CMTM7: variants seen among roughly 807,000 people sequenced by gnomAD.
The protein encoded by CMTM7 is CKLF-like MARVEL transmembrane domain-containing protein 7.
Under a neutral mutation model 19.3 loss-of-function variants are expected in CMTM7, and 7 were observed. The ratio of observed to expected loss-of-function variants is 0.36; its 90% confidence interval spans 0.21 to 0.68. CMTM7 has a LOEUF of 0.68. Among genes scored for constraint, CMTM7 ranks in the 30% least tolerant of loss-of-function variants. The pLI, the probability that CMTM7 is intolerant of heterozygous loss-of-function variation, is 0.60. For missense variants in CMTM7, 193 were observed against 232.6 expected, an observed-to-expected ratio of 0.83 and a Z score of 1.11; for synonymous variants, 87 against 99.3, an observed-to-expected ratio of 0.88 and a Z score of 0.74.
intron 1 of CMTM7, among the ~76,000 whole-genome samples, chr3:32,415,102 C>T (rs1696239853): frequency 6.6e-6 from 1 of 151,922 alleles, no homozygotes; most frequent in Admixed American, 6.6e-5. Context: ...ATTCCTGGGC[C>T]CCAGCTCAGA....
intron 1 of CMTM7, among the ~76,000 whole-genome samples, chr3:32,433,719 C>T (rs1021793446): frequency 6.6e-6 from 1 of 152,122 alleles, no homozygotes; most frequent in African/African-American, 2.4e-5. Context: ...TGTCATGGAG[C>T]TGTCACAGAG....
intron 1 of CMTM7, among the ~76,000 whole-genome samples, chr3:32,398,757 G>A (rs1469011656): frequency 6.6e-6 from 1 of 151,990 alleles, no homozygotes; most frequent in Non-Finnish European, 1.5e-5. Flanking sequence ...GCCGAGGCGG[G>A]CGGATGGCTT....
chr3:32,436,656 G>A (rs2125637440), intron 1 of CMTM7, among the ~76,000 whole-genome samples: 1 of 152,170 alleles, frequency 6.6e-6, no homozygotes, highest in East Asian at 1.9e-4. Flanking sequence ...TCAGATGCAG[G>A]GACAGTGGGG....
chr3:32,424,060 G>A (rs945658098), intron 1 of CMTM7, among the ~76,000 whole-genome samples: 3 of 152,164 alleles, frequency 2.0e-5, no homozygotes, highest in South Asian at 2.1e-4. Context: ...TCTGCAGGTC[G>A]GGAATCCAGA....
chr3:32,421,628 T>G (rs1696345924), intron 1 of CMTM7, among the ~76,000 whole-genome samples: 1 of 152,216 alleles, frequency 6.6e-6, no homozygotes, highest in South Asian at 2.1e-4. Flanking sequence ...TGTCGTTACT[T>G]GTGTCTGGAT....
chr3:32,452,028 A>G (rs1344694589), intron 3 of CMTM7: 1 of 1,267,012 alleles, frequency 7.9e-7, no homozygotes, highest in East Asian at 5.1e-5. Flanking sequence ...TTTTTAACCC[A>G]AATTAAAATT....
At chr3:32,405,626 G>A (rs1452495158) in intron 1 of CMTM7, among the ~76,000 whole-genome samples, 3 of 152,112 alleles carry the variant, frequency 2.0e-5, no homozygotes, top group Non-Finnish European at 4.4e-5. Flanking sequence ...GTGGTGGCTC[G>A]CGCCTGTGGG....
chr3:32,396,136 G>A (rs1695914409), intron 1 of CMTM7, among the ~76,000 whole-genome samples: 1 of 152,192 alleles, frequency 6.6e-6, no homozygotes, highest in Admixed American at 6.6e-5. Context: ...TCAGGGAGCA[G>A]GGGTTGAAAG....
chr3:32,445,533 G>C (rs1327956675), intron 2 of CMTM7, among the ~76,000 whole-genome samples: 1 of 151,654 alleles, frequency 6.6e-6, no homozygotes, highest in Non-Finnish European at 1.5e-5. Context: ...TGTTTTTTTA[G>C]ACAGGATCTT....
rs114235630 is a variant in CMTM7 at position 32,433,139 on chromosome 3, A to T, written c.160-8701A>T. 2.5e-3 allele frequency among the ~76,000 whole-genome samples: 377 copies of T among 152,326 alleles called. 4 individuals carry two copies. The highest frequency in any genetic ancestry group is 8.4e-3 in the African/African-American group (350 of 41,574). ...TGCTTGTTGCAAACCAAAATTTGTG[A>T]TTTCAGTTCAGTTCAACACAAGCAC... On this transcript the variant is annotated intron_variant, in intron 1 of 4. Coordinates refer to ENST00000334983, the MANE Select transcript of CMTM7 (RefSeq NM_138410.4).
At chr3:32,452,516 G>A in intron 4 of CMTM7, 43 bp downstream of exon 4, 1 of 1,591,202 alleles carries the variant, frequency 6.3e-7, no homozygotes, top group Non-Finnish European at 8.6e-7. Flanking sequence ...CTCAGGAACA[G>A]GGGGATGGCT....
chr3:32,424,596 C>A (rs1389824576), intron 1 of CMTM7, among the ~76,000 whole-genome samples: 1 of 151,770 alleles, frequency 6.6e-6, no homozygotes, highest in Non-Finnish European at 1.5e-5. Context: ...TTGTTTAAGC[C>A]TCTTGCCCCC....
At chr3:32,451,872 GT>G (rs1696837784) in intron 3 of CMTM7, 1 of 371,248 alleles carries the variant, frequency 2.7e-6, no homozygotes, top group Non-Finnish European at 5.2e-6. Context: ...GTCTAATATT[GT>G]TTAATATGTA....
chr3:32,420,178 G>A (rs983662234), intron 1 of CMTM7, among the ~76,000 whole-genome samples: 11 of 152,216 alleles, frequency 7.2e-5, no homozygotes, highest in Non-Finnish European at 1.6e-4. Flanking sequence ...CACATGAGAG[G>A]AGGTATTGTT....
intron 1 of CMTM7, among the ~76,000 whole-genome samples, chr3:32,393,303 C>T (rs1007272283): frequency 2.6e-5 from 4 of 152,188 alleles, no homozygotes; most frequent in African/African-American, 9.7e-5. Context: ...ATTTCAGCAA[C>T]GTACAAAAAA....
At chr3:32,448,997 GA>G (rs1185578376) in intron 2 of CMTM7, among the ~76,000 whole-genome samples, 1 of 152,196 alleles carries the variant, frequency 6.6e-6, no homozygotes, top group African/African-American at 2.4e-5. Context: ...TGTTAGCCCA[GA>G]ACTTTCTCCG....
chr3:32,444,855 A>G (rs996691373), intron 2 of CMTM7, among the ~76,000 whole-genome samples: 2 of 152,140 alleles, frequency 1.3e-5, no homozygotes, highest in African/African-American at 4.8e-5. Flanking sequence ...GGCTCAAGCA[A>G]TCCTCTTGCC....
intron 1 of CMTM7, among the ~76,000 whole-genome samples, chr3:32,393,772 C>CAAAA (rs34745605): frequency 3.2e-5 from 3 of 92,442 alleles, no homozygotes; most frequent in Non-Finnish European, 6.2e-5. Flanking sequence ...AGGCCTGTCT[C>CAAAA]AAAAAAAAAA....
chr3:32,398,312 G>A (rs932915975), intron 1 of CMTM7, among the ~76,000 whole-genome samples: 3 of 152,128 alleles, frequency 2.0e-5, no homozygotes, highest in African/African-American at 7.2e-5. Context: ...ACCATAACAT[G>A]GACAGAGAAT....
Sources: allele counts gnomAD v4.1 joint callset (sites outside exome capture counted in the v4.1 genomes callset), GRCh38; gene constraint gnomAD v4.1.1; transcripts MANE v1.5; gene names NCBI Gene and HGNC (gene_info 2026-07-23, HGNC 2026-07-21).